SLC35F4: variants seen among roughly 807,000 people sequenced by gnomAD.
SLC35F4 encodes solute carrier family 35 member F4, also known as chromosome 14 open reading frame 36.
In SLC35F4, 24 loss-of-function variants were observed where a neutral mutation model predicts 44.2. That is an observed-to-expected ratio of 0.54 (90% CI 0.39 to 0.76). The LOEUF (loss-of-function observed/expected upper bound fraction) is 0.76. Among genes scored for constraint, SLC35F4 ranks in the 30% least tolerant of loss-of-function variants. The probability of loss-of-function intolerance (pLI) is 0.00; values close to 1 mark genes in which losing one functional copy is unlikely to be tolerated. For synonymous variants in SLC35F4, 238 were observed against 223.6 expected (o/e 1.06, Z -0.57); for missense variants, 562 against 586.1 (o/e 0.96, Z 0.42).
Position 57,581,436 on chromosome 14 carries a change from A to G in SLC35F4, c.588-3T>C, listed in dbSNP as rs199887666. ...CACCAAAAATCCGACTGCATTCCCTAGGAAAGAAAAGAGAAGTTAATATCC... is the reference window on the plus strand; with the variant it reads ...CACCAAAAATCCGACTGCATTCCCTGGGAAAGAAAAGAGAAGTTAATATCC... On this transcript the variant is annotated splice_region_variant and splice_polypyrimidine_tract_variant and intron_variant, in intron 3 of 7. Transcript: ENST00000556826. 3.8e-4 allele frequency: 612 copies of G among 1,602,738 alleles called. 2 individuals carry two copies. Among genetic ancestry groups the G allele is most frequent in the Non-Finnish European group, 4.9e-4 (575 of 1,174,370 alleles).
intron 1 of SLC35F4, among the ~76,000 whole-genome samples, chr14:57,715,153 G>A (rs2075908748): frequency 6.6e-6 from 1 of 152,102 alleles, no homozygotes; most frequent in Non-Finnish European, 1.5e-5. Flanking sequence ...AACCCAGTCT[G>A]CAGGGTTATA....
At chr14:57,781,845 A>C (rs2077629432) in intron 1 of SLC35F4, among the ~76,000 whole-genome samples, 2 of 152,194 alleles carry the variant, frequency 1.3e-5, no homozygotes, top group Non-Finnish European at 2.9e-5. Flanking sequence ...CTCACTTACA[A>C]GTGGGAGTTA....
intron 1 of SLC35F4, among the ~76,000 whole-genome samples, chr14:57,784,558 T>C (rs370359516): frequency 1.3e-5 from 2 of 152,110 alleles, no homozygotes; most frequent in East Asian, 3.9e-4. Context: ...GTGCCTGTAG[T>C]CCCAGCTACT....
At chr14:57,737,121 T>TGTGC (rs1428907742) in intron 1 of SLC35F4, among the ~76,000 whole-genome samples, 2 of 151,146 alleles carry the variant, frequency 1.3e-5, no homozygotes, top group Non-Finnish European at 1.5e-5. Context: ...TGTGTGTGTG[T>TGTGC]GTGCATGTGT....
At chr14:57,619,313 G>T (rs1183305124) in intron 1 of SLC35F4, among the ~76,000 whole-genome samples, 1 of 152,144 alleles carries the variant, frequency 6.6e-6, no homozygotes, top group Non-Finnish European at 1.5e-5. Flanking sequence ...TCTGGCGGGT[G>T]CCCCTCTGGG....
intron 1 of SLC35F4, among the ~76,000 whole-genome samples, chr14:57,622,670 G>A (rs1020476195): frequency 6.6e-6 from 1 of 152,116 alleles, no homozygotes; most frequent in African/African-American, 2.4e-5. Flanking sequence ...GGACTGTTGT[G>A]GGGTTGGGGG....
chr14:57,889,435 G>C (rs62005017), intron 1 of SLC35F4, among the ~76,000 whole-genome samples: 1 of 152,244 alleles, frequency 6.6e-6, no homozygotes, highest in African/African-American at 2.4e-5. Context: ...AGGCACAGGG[G>C]AAGTTGGCCT....
At chr14:57,745,648 A>G (rs1219375197) in intron 1 of SLC35F4, among the ~76,000 whole-genome samples, 1 of 152,198 alleles carries the variant, frequency 6.6e-6, no homozygotes, top group Non-Finnish European at 1.5e-5. Context: ...ACTATAAACT[A>G]GTTCAACCAC....
intron 1 of SLC35F4, among the ~76,000 whole-genome samples, chr14:57,731,371 A>G (rs915822507): frequency 2.0e-5 from 3 of 152,186 alleles, no homozygotes; most frequent in Non-Finnish European, 2.9e-5. Context: ...TTATTTTCTA[A>G]AATTCTCTGA....
intron 1 of SLC35F4, among the ~76,000 whole-genome samples, chr14:57,737,108 G>GTT (rs2076483998): frequency 6.6e-6 from 1 of 151,518 alleles, no homozygotes; most frequent in African/African-American, 2.4e-5. Flanking sequence ...TTGTGTGTGT[G>GTT]TGTGTGTGTG....
intron 1 of SLC35F4, among the ~76,000 whole-genome samples, chr14:57,886,228 C>T (rs1425953370): frequency 6.6e-6 from 1 of 152,094 alleles, no homozygotes; most frequent in Non-Finnish European, 1.5e-5. Flanking sequence ...AAACAACATG[C>T]ATTATTATCT....
chr14:57,692,527 C>A (rs2075265973), intron 1 of SLC35F4, among the ~76,000 whole-genome samples: 1 of 152,048 alleles, frequency 6.6e-6, no homozygotes, highest in South Asian at 2.1e-4. Context: ...AAGTTCCCTG[C>A]TCTAAGGAAT....
Position 57,746,090 on chromosome 14 carries a change from G to A in SLC35F4, c.103+119633C>T, listed in dbSNP as rs142775763. On this transcript the variant is annotated intron_variant, in intron 1 of 7. Coordinates refer to ENST00000556826, the MANE Select transcript of SLC35F4 (RefSeq NM_001306087.2). ...ACACACTGGGGCCTGTCATGGAGTG[G>A]GGGGCAGGGGGAAGGGATAGCATTA... Among the ~76,000 whole-genome samples, 21 of 152,164 alleles carry A rather than the reference G, an allele frequency of 1.4e-4. No individual in the cohort carries two copies. In the East Asian group the frequency reaches 3.7e-3, roughly 27 times the overall value.
At chr14:57,845,169 T>C (rs866155138) in intron 1 of SLC35F4, among the ~76,000 whole-genome samples, 20 of 152,342 alleles carry the variant, frequency 1.3e-4, no homozygotes, top group South Asian at 6.2e-4. Context: ...GAAAAATAAC[T>C]GAGCCATGGG....
chr14:57,642,462 T>C (rs562672028), intron 1 of SLC35F4, among the ~76,000 whole-genome samples: 32 of 151,384 alleles, frequency 2.1e-4, no homozygotes, highest in African/African-American at 7.7e-4. Flanking sequence ...AGATTTTTTC[T>C]TTTTTTTTCC....
intron 1 of SLC35F4, among the ~76,000 whole-genome samples, chr14:57,878,726 A>AT (rs964984253): frequency 2.0e-4 from 30 of 150,294 alleles, no homozygotes; most frequent in Admixed American, 4.7e-4. Context: ...GGACAACCGC[A>AT]TTTTTTTTTA....
chr14:57,677,584 A>G (rs554015415), intron 1 of SLC35F4, among the ~76,000 whole-genome samples: 130 of 152,184 alleles, frequency 8.5e-4, no homozygotes, highest in Middle Eastern at 3.4e-3. Flanking sequence ...ATGAAAGTCT[A>G]TAAGGATAAG....
chr14:57,677,972 G>A (rs2074756919), intron 1 of SLC35F4, among the ~76,000 whole-genome samples: 1 of 151,934 alleles, frequency 6.6e-6, no homozygotes, highest in African/African-American at 2.4e-5. Flanking sequence ...TGCCTTGCTA[G>A]GTTGGGGAAA....
At chr14:57,752,581 C>A (rs2076910814) in intron 1 of SLC35F4, among the ~76,000 whole-genome samples, 1 of 152,002 alleles carries the variant, frequency 6.6e-6, no homozygotes, top group South Asian at 2.1e-4. Context: ...CTGCCTCAGC[C>A]TCCCGAGTAA....
Sources: allele counts gnomAD v4.1 joint callset (sites outside exome capture counted in the v4.1 genomes callset), GRCh38; gene constraint gnomAD v4.1.1; transcripts MANE v1.5; gene names NCBI Gene and HGNC (gene_info 2026-07-23, HGNC 2026-07-21).